Variants in PCDHGB2 observed in about 807,000 individuals in gnomAD.
PCDHGB2 encodes protocadherin gamma subfamily B, 2.
A neutral mutation model predicts 59.3 loss-of-function variants in PCDHGB2; 55 were observed. The ratio of observed to expected loss-of-function variants is 0.93; its 90% CI spans 0.75 to 1.16. PCDHGB2 has a LOEUF of 1.16. PCDHGB2 is among the 50% of genes most tolerant of loss of function. The pLI is 0.00. For missense variants in PCDHGB2, 1,228 were observed against 1,198.5 expected, an observed-to-expected ratio of 1.02 and a Z score of -0.36; for synonymous variants, 516 against 512.0, an observed-to-expected ratio of 1.01 and a Z score of -0.11.
intron 1 of PCDHGB2, among the ~76,000 whole-genome samples, chr5:141,401,846 A>G (rs1168982151): frequency 6.6e-6 from 1 of 152,216 alleles, no homozygotes; most frequent in Non-Finnish European, 1.5e-5. Context: ...AATACCACTT[A>G]CTTTTAACCT....
At chr5:141,364,315 G>A (rs371423509) in intron 1 of PCDHGB2, 156 of 1,524,232 alleles carry the variant, frequency 1.0e-4, no homozygotes, top group Non-Finnish European at 1.2e-4. Flanking sequence ...AGAGAAAATT[G>A]GGCAGAGAGA....
intron 1 of PCDHGB2, chr5:141,430,857 A>T: frequency 6.3e-7 from 1 of 1,591,434 alleles, no homozygotes; most frequent in Non-Finnish European, 8.5e-7. Flanking sequence ...CAGATACGCT[A>T]TTCAGTTCCG....
In PCDHGB2 at chr5:141,490,673, C is replaced by T; in HGVS notation, c.2422-4134C>T. ...GGCTCCCTTCTTTGCACTGTGGCTG[C>T]CTCAGATCCAGACACTGGGGATAAT... On this transcript the variant is annotated intron_variant, in intron 1 of 3. Coordinates refer to ENST00000522605, the MANE Select transcript of PCDHGB2 (RefSeq NM_018923.3). This position sits in a 1 kb window ranked among gnomAD's most constrained non-coding sequence, Gnocchi z 5.4. 1.2e-6 allele frequency: 2 copies of T among 1,614,126 alleles called. No homozygotes were observed. The highest frequency in any genetic ancestry group is 1.7e-6 in the Non-Finnish European group (2 of 1,179,952).
intron 1 of PCDHGB2, among the ~76,000 whole-genome samples, chr5:141,458,247 C>T (rs758242859): frequency 4.6e-5 from 7 of 152,100 alleles, no homozygotes; most frequent in South Asian, 2.1e-4. Flanking sequence ...CAAAATGATA[C>T]GGCTCTGATG....
intron 1 of PCDHGB2, among the ~76,000 whole-genome samples, chr5:141,368,418 C>T (rs900475328): frequency 3.3e-5 from 5 of 151,998 alleles, no homozygotes; most frequent in Admixed American, 2.0e-4. Flanking sequence ...CACACATGGA[C>T]ATTCTGACCA....
chr5:141,451,116 CCA>C (rs1257364243), intron 1 of PCDHGB2, among the ~76,000 whole-genome samples: 1 of 152,200 alleles, frequency 6.6e-6, no homozygotes, highest in Non-Finnish European at 1.5e-5. Context: ...GCGTGAGCCA[CCA>C]CACCCAGCCT....
Position 141,361,087 on chromosome 5 carries a change from A to T in PCDHGB2, c.952A>T (p.Ser318Cys). 6.2e-7 allele frequency: 1 copy of T among 1,614,036 alleles called. No homozygotes were observed. The highest frequency in any genetic ancestry group is 8.5e-7 in the Non-Finnish European group (1 of 1,179,888). The change falls in exon 1 of 4, where the codon AGT becomes TGT. Residue 318 changes from serine (S) to cysteine (C), a missense_variant. Transcript: ENST00000522605. ...DFEIASSYTL[S>C]IEAKDPGDLA... ...TGAGATTGCAAGTAGTTACACTCTG[A>T]GTATCGAAGCAAAAGATCCTGGAGA...
intron 1 of PCDHGB2, chr5:141,367,354 C>A (rs991967780): frequency 2.6e-5 from 4 of 151,972 alleles, no homozygotes; most frequent in African/African-American, 9.7e-5. Flanking sequence ...CTGGCTAACA[C>A]GGTGAAACCC....
At chr5:141,384,521 C>T (rs1255804611) in intron 1 of PCDHGB2, 3 of 1,614,122 alleles carry the variant, frequency 1.9e-6, no homozygotes, top group Non-Finnish European at 1.7e-6. Flanking sequence ...GGGGACCCGC[C>T]TCTCAGCAGC....
Position 141,427,654 on chromosome 5 carries a change from TCCACGTGGC to T in PCDHGB2, c.2421+65100_2421+65108del, listed in dbSNP as rs562748605. On this transcript the variant is annotated intron_variant, in intron 1 of 3. Coordinates refer to ENST00000522605, the MANE Select transcript of PCDHGB2 (RefSeq NM_018923.3). ...GTTTTCCACCAAGTCTCCTACGTGG[TCCACGTGGC>T]CGAAAACAACCTTCCCGGAGCCTCC... 2.0e-4 allele frequency: 148 copies of T among 727,622 alleles called. No individual in the cohort carries two copies. The African/African-American group carries it at 2.4e-3, about 12-fold the overall frequency. The allele number at this position is 727,622 out of a possible 1,614,324, so 45.1% of individuals were successfully genotyped here.
chr5:141,454,908 C>T (rs1370482009), intron 1 of PCDHGB2, among the ~76,000 whole-genome samples: 3 of 145,392 alleles, frequency 2.1e-5, no homozygotes, highest in Non-Finnish European at 4.5e-5. Context: ...CCCGGGTTCA[C>T]GCCATTCTCC....
At chr5:141,369,272 AT>A (rs1346533698) in intron 1 of PCDHGB2, among the ~76,000 whole-genome samples, 2 of 152,200 alleles carry the variant, frequency 1.3e-5, no homozygotes, top group Non-Finnish European at 2.9e-5. Flanking sequence ...AGGACTTACA[AT>A]TCACTCCCCA....
intron 1 of PCDHGB2, among the ~76,000 whole-genome samples, chr5:141,373,589 GTGA>G (rs1348028052): frequency 6.6e-6 from 1 of 152,242 alleles, no homozygotes; most frequent in Non-Finnish European, 1.5e-5. Flanking sequence ...GTGGTGAAAT[GTGA>G]TGATAATTCA....
chr5:141,475,820 C>T (rs890721743), intron 1 of PCDHGB2: 2 of 351,808 alleles, frequency 5.7e-6, no homozygotes, highest in African/African-American at 2.1e-5. Context: ...AAGTTCCTGG[C>T]GCTAGCGCGT....
intron 1 of PCDHGB2, chr5:141,388,961 G>C: frequency 6.2e-7 from 1 of 1,614,042 alleles, no homozygotes; most frequent in Non-Finnish European, 8.5e-7. Flanking sequence ...AGGACGCCGA[G>C]CTGGGAACAC....
intron 1 of PCDHGB2, chr5:141,383,971 G>A (rs373869441): frequency 2.5e-6 from 4 of 1,613,544 alleles, no homozygotes; most frequent in African/African-American, 1.3e-5. Context: ...CTCAATCCCT[G>A]AAGACACACC....
chr5:141,432,934 G>A lies in PCDHGB2; in HGVS notation c.2422-61873G>A. The stretch of plus-strand genomic sequence containing the variant: ...GGCGCTGGCACAAGTCACGCCTGCT[G>A]CAGGCTTCAGGAGGCGGCTTGACAG... On this transcript the variant is annotated intron_variant, in intron 1 of 3. Transcript: ENST00000522605. This position sits in a 1 kb window ranked among gnomAD's most constrained non-coding sequence, Gnocchi z 6.0. 1.9e-6 allele frequency: 3 copies of A among 1,614,196 alleles called. No individual in the cohort carries two copies. Among genetic ancestry groups the A allele is most frequent in the Non-Finnish European group, 2.5e-6 (3 of 1,180,040 alleles).
intron 1 of PCDHGB2, chr5:141,478,540 C>T (rs1221128622): frequency 6.2e-7 from 1 of 1,606,412 alleles, no homozygotes; most frequent in East Asian, 2.2e-5. Context: ...GCGCCCCTCC[C>T]GGACAGGTAA....
chr5:141,462,818 C>T (rs1280335120), intron 1 of PCDHGB2, among the ~76,000 whole-genome samples: 1 of 152,120 alleles, frequency 6.6e-6, no homozygotes, highest in East Asian at 1.9e-4. Flanking sequence ...TTTTATTGGA[C>T]AGCAGACATT....
Sources: allele counts gnomAD v4.1 joint callset (sites outside exome capture counted in the v4.1 genomes callset), GRCh38; gene constraint gnomAD v4.1.1; non-coding constraint Gnocchi (gnomAD v3.1); transcripts MANE v1.5; gene names NCBI Gene and HGNC (gene_info 2026-07-23, HGNC 2026-07-21).